The following LMAN1L variants were observed in gnomAD, a reference collection of about 807,000 sequenced individuals.
The protein encoded by LMAN1L is protein ERGIC-53-like.
Under a neutral mutation model 58.3 loss-of-function variants are expected in LMAN1L, and 60 were observed. The ratio of observed to expected loss-of-function variants is 1.03; its 90% CI spans 0.84 to 1.27. LMAN1L has a LOEUF of 1.27. LMAN1L is among the 50% of genes most tolerant of loss of function. The pLI is 0.00. For synonymous variants in LMAN1L, 280 were observed against 271.6 expected (o/e 1.03, Z -0.31); for missense variants, 629 against 674.0 (o/e 0.93, Z 0.74).
At chr15:74,824,199 G>A in intron 12 of LMAN1L, 152 bp from the exon 13 acceptor site, 1 of 718,148 alleles carries the variant, frequency 1.4e-6, no homozygotes. Flanking sequence ...AGGCAGCTTT[G>A]TACACTGCCC....
In LMAN1L at chr15:74,819,006, G is replaced by A. The variant is rs1039180205; in HGVS notation, c.598-146G>A. ...ACTCACCCAGAGCACATACATGTAA[G>A]GGCTCACATGAGACCAGGAGTGCGG... On this transcript the variant is annotated intron_variant, in intron 5 of 13. Transcript: ENST00000309664. The A allele has an allele frequency of 1.0e-5, 11 of 1,060,724 alleles. No homozygotes were observed. In the African/African-American group the frequency reaches 1.1e-4, roughly 11 times the overall value. 65.7% of individuals were successfully genotyped at this position (1,060,724 alleles called of 1,614,324 possible). A position where few individuals can be genotyped will look rare whatever the true frequency, so the allele number is the denominator to read the frequency against.
At position 74,816,236 on chromosome 15, in the gene LMAN1L, T is replaced by C; in HGVS notation, c.255T>C (p.Ser85=). 1 of 1,599,258 alleles carries C rather than the reference T, an allele frequency of 6.3e-7. No homozygotes were observed. The highest frequency in any genetic ancestry group is 8.5e-7 in the Non-Finnish European group (1 of 1,173,100). The part of the protein sequence containing the change: ...NRSGAVWSRA[S]VPFSAWEVEV... ...GTGGCGCCGTGTGGAGCAGGGCCTCTGTCCCCTTCTCTGCCTGGGAAGTAG... is the reference window on the plus strand; with the variant it reads ...GTGGCGCCGTGTGGAGCAGGGCCTCCGTCCCCTTCTCTGCCTGGGAAGTAG... The change falls in exon 2 of 14, where the codon TCT becomes TCC. Residue 85 remains serine, a synonymous_variant. Transcript: ENST00000309664.
intron 4 of LMAN1L, among the ~76,000 whole-genome samples, chr15:74,818,430 C>A (rs923163286): frequency 3.3e-5 from 5 of 152,120 alleles, no homozygotes; most frequent in Non-Finnish European, 7.4e-5. Flanking sequence ...CATGGTGGCT[C>A]ACACCTGTAA....
Position 74,816,823 on chromosome 15 carries a change from T to A in LMAN1L, c.497+133T>A, listed in dbSNP as rs911197329. ...TGCCGGGCCGCCATACTTGCTGGAC[T>A]CTCTCACTTAGCCGACGTCCGCCCC... On this transcript the variant is annotated intron_variant, in intron 4 of 13. Transcript: ENST00000309664. The A allele has an allele frequency of 3.6e-6, 3 of 844,998 alleles. No homozygotes were observed. In the African/African-American group the frequency reaches 5.2e-5, roughly 15 times the overall value. The allele number at this position is 844,998 out of a possible 1,614,324, so 52.3% of individuals were successfully genotyped here.
In LMAN1L at chr15:74,821,829, G is replaced by T. The variant is rs773776949; in HGVS notation, c.1060G>T (p.Ala354Ser). 4 of 1,610,588 alleles carry T rather than the reference G, an allele frequency of 2.5e-6. No homozygotes were observed. Among genetic ancestry groups the T allele is most frequent in the Non-Finnish European group, 3.4e-6 (4 of 1,177,266 alleles). ...PGQARPDGGW[A>S]LDASCQIPST... ...CAAGCCTCTCTGATCCTATCCCCAGGCCCTGGATGCTTCCTGCCAGATTCC... is the reference window on the plus strand; with the variant it reads ...CAAGCCTCTCTGATCCTATCCCCAGTCCCTGGATGCTTCCTGCCAGATTCC... Residue 354 changes from alanine to serine, a missense_variant and splice_region_variant, in exon 10 of 14, where the codon GCC becomes TCC. Ala to Ser is a moderately conservative substitution (Grantham distance 99). Transcript: ENST00000309664.
At chr15:74,819,605 A>T (rs2063907825) in intron 6 of LMAN1L, 1 of 487,080 alleles carries the variant, frequency 2.1e-6, no homozygotes, top group East Asian at 3.2e-5. Flanking sequence ...CACAGCGGGA[A>T]AGCTGAGGGC....
intron 4 of LMAN1L, 139 bp downstream of exon 4, chr15:74,816,829 A>C: frequency 1.3e-6 from 1 of 787,666 alleles, no homozygotes; most frequent in Non-Finnish European, 2.0e-6. Context: ...GGACTCTCTC[A>C]CTTAGCCGAC....
chr15:74,815,454 T>A (rs1323865312), intron 1 of LMAN1L, among the ~76,000 whole-genome samples: 2 of 152,304 alleles, frequency 1.3e-5, no homozygotes, highest in Admixed American at 1.3e-4. Flanking sequence ...TCCTTTTTCC[T>A]ACCATGCAGG....
rs760496137 is a variant in LMAN1L at position 74,823,549 on chromosome 15, C to A, written c.1200-10C>A. 8 of 1,613,286 alleles carry A rather than the reference C, an allele frequency of 5.0e-6. No homozygotes were observed. The highest frequency in any genetic ancestry group is 1.1e-5 in the South Asian group (1 of 91,064). Reference sequence around the variant, plus strand: ...ATGAGTCATCTTACTTGGTTACCACCCCCGGTTAGGGATGCAGCTGTCCGC... The same window carrying A: ...ATGAGTCATCTTACTTGGTTACCACACCCGGTTAGGGATGCAGCTGTCCGC... On this transcript the variant is annotated splice_polypyrimidine_tract_variant and intron_variant, in intron 11 of 13. Transcript: ENST00000309664.
chr15:74,813,658 T>C (rs887591708), intron 1 of LMAN1L, among the ~76,000 whole-genome samples: 8 of 151,942 alleles, frequency 5.3e-5, no homozygotes, highest in South Asian at 2.1e-4. Context: ...ATAGAGGGAG[T>C]GAGCAAGAAC....
At chr15:74,819,007 G>T in intron 5 of LMAN1L, 145 bp from the exon 6 acceptor site, 1 of 1,053,308 alleles carries the variant, frequency 9.5e-7, no homozygotes, top group East Asian at 2.4e-5. Context: ...TACATGTAAG[G>T]GCTCACATGA....
intron 6 of LMAN1L, chr15:74,819,621 G>C: frequency 4.1e-6 from 2 of 486,574 alleles, no homozygotes; most frequent in East Asian, 3.3e-5. Flanking sequence ...AGGGCAACCA[G>C]AGCGTGGGAG....
chr15:74,815,456 C>T (rs1005704507), intron 1 of LMAN1L, among the ~76,000 whole-genome samples: 5 of 152,200 alleles, frequency 3.3e-5, no homozygotes, highest in Non-Finnish European at 7.3e-5. Context: ...CTTTTTCCTA[C>T]CATGCAGGGC....
intron 10 of LMAN1L, 147 bp downstream of exon 10, chr15:74,822,047 G>A: frequency 3.3e-6 from 2 of 615,010 alleles, no homozygotes; most frequent in South Asian, 4.0e-5. Flanking sequence ...TTTTGGCTTG[G>A]CATGGTGGCT....
At chr15:74,816,080 A>C in intron 1 of LMAN1L, 77 bp from the exon 2 acceptor site, 47 of 1,433,590 alleles carry the variant, frequency 3.3e-5, no homozygotes, top group Middle Eastern at 2.5e-4. Flanking sequence ...CCGGGAGCCC[A>C]GCCCGGGCCA....
chr15:74,814,716 C>G (rs543461515), intron 1 of LMAN1L, among the ~76,000 whole-genome samples: 56 of 152,114 alleles, frequency 3.7e-4, no homozygotes, highest in Non-Finnish European at 4.9e-4. Flanking sequence ...ACCATGTTGG[C>G]CAGGCTGGTC....
chr15:74,825,557 C>T lies in LMAN1L; in HGVS notation c.1533C>T (p.Ala511=). 6.2e-7 allele frequency: 1 copy of T among 1,613,424 alleles called. No homozygotes were observed. The highest frequency in any genetic ancestry group is 8.5e-7 in the Non-Finnish European group (1 of 1,179,574). ...PLGPAPHTPR[A]LGILRRQPLP... Reference sequence around the variant, plus strand: ...GTCCTGCACCACACACCCCCAGGGCCCTGGGGATTCTGAGGAGGCAGCCTC... The same window carrying T: ...GTCCTGCACCACACACCCCCAGGGCTCTGGGGATTCTGAGGAGGCAGCCTC... The change falls in exon 14 of 14, where the codon GCC becomes GCT. Residue 511 remains alanine (A), a synonymous_variant. Coordinates refer to ENST00000309664, the MANE Select transcript of LMAN1L (RefSeq NM_021819.3).
chr15:74,817,991 C>A (rs2063899502), intron 4 of LMAN1L, among the ~76,000 whole-genome samples: 1 of 137,794 alleles, frequency 7.3e-6, no homozygotes, highest in Non-Finnish European at 1.5e-5. Context: ...CCAGCCAGGG[C>A]AACAGAGCAA....
intron 1 of LMAN1L, 187 bp downstream of exon 1, chr15:74,813,216 C>T (rs1053276152): frequency 7.1e-5 from 48 of 672,666 alleles, no homozygotes; most frequent in Middle Eastern, 7.9e-4. Flanking sequence ...CAACACCCCC[C>T]ACCCCTGCCC....
Sources: allele counts gnomAD v4.1 joint callset (sites outside exome capture counted in the v4.1 genomes callset), GRCh38; gene constraint gnomAD v4.1.1; transcripts MANE v1.5; gene names NCBI Gene and HGNC (gene_info 2026-07-23, HGNC 2026-07-21).